SCMH1: variants seen among roughly 807,000 people sequenced by gnomAD.
SCMH1 encodes Scm polycomb group protein homolog 1, also known as polycomb protein SCMH1.
SCMH1 carries 37 observed loss-of-function variants against 70.8 expected under a neutral mutation model. That is an observed-to-expected ratio of 0.52 (90% CI 0.40 to 0.69). The LOEUF (loss-of-function observed/expected upper bound fraction) is 0.69. SCMH1 is among the 30% of genes least tolerant of loss of function. SCMH1 has a pLI of 0.00. For synonymous variants in SCMH1, 292 were observed against 307.4 expected (o/e 0.95, Z 0.52); for missense variants, 607 against 827.3 (o/e 0.73, Z 3.27).
intron 12 of SCMH1, chr1:41,043,357 G>A (rs1646465328): frequency 6.6e-6 from 1 of 151,990 alleles, no homozygotes; most frequent in Non-Finnish European, 1.5e-5. Flanking sequence ...GCATCACACA[G>A]TGCCGGGATT....
At chr1:41,087,427 G>GT (rs1662045993) in intron 8 of SCMH1, among the ~76,000 whole-genome samples, 1 of 151,558 alleles carries the variant, frequency 6.6e-6, no homozygotes, top group African/African-American at 2.4e-5. Context: ...ATAAAAGGGT[G>GT]TATCTAACAT....
intron 13 of SCMH1, among the ~76,000 whole-genome samples, chr1:41,030,169 C>T (rs892576265): frequency 6.6e-6 from 1 of 152,082 alleles, no homozygotes; most frequent in Non-Finnish European, 1.5e-5. Flanking sequence ...GAGCTGTGAG[C>T]GCCATTGCAG....
At chr1:41,028,592 G>A (rs139648979) in exon 14 of SCMH1, 13 of 1,614,028 alleles carry the variant, frequency 8.1e-6, no homozygotes, top group South Asian at 1.1e-5. Flanking sequence ...ACGTGTTTGC[G>A]AAACAGGTCA....
chr1:41,211,716 CAT>C (rs1410407703), intron 1 of SCMH1, among the ~76,000 whole-genome samples: 12 of 152,290 alleles, frequency 7.9e-5, no homozygotes, highest in Admixed American at 2.0e-4. Flanking sequence ...CACATGCACA[CAT>C]ATGTTTACTG....
chr1:41,058,878 T>G (rs1403639982), intron 10 of SCMH1, among the ~76,000 whole-genome samples: 1 of 152,208 alleles, frequency 6.6e-6, no homozygotes, highest in Non-Finnish European at 1.5e-5. Flanking sequence ...GTCCCCTTTG[T>G]CTTTGTTCTG....
chr1:41,161,175 A>T (rs1645993184), intron 3 of SCMH1, among the ~76,000 whole-genome samples, 189 bp downstream of exon 3: 1 of 152,230 alleles, frequency 6.6e-6, no homozygotes, highest in Non-Finnish European at 1.5e-5. Context: ...TATACTCAGA[A>T]TCTAGGTTTC....
intron 2 of SCMH1, among the ~76,000 whole-genome samples, chr1:41,174,238 A>C (rs1646968641): frequency 1.3e-5 from 2 of 151,534 alleles, no homozygotes; most frequent in African/African-American, 2.4e-5. Context: ...AAATAATAAC[A>C]GACAAAACCA....
intron 1 of SCMH1, among the ~76,000 whole-genome samples, chr1:41,234,536 C>T (rs1015196320): frequency 7.1e-6 from 1 of 140,078 alleles, no homozygotes; most frequent in African/African-American, 2.7e-5. Flanking sequence ...GGCACAATCT[C>T]GGCTCACTGC....
At position 41,228,700 on chromosome 1, in the gene SCMH1, T is replaced by C. The variant is rs930676525; in HGVS notation, c.-118+13359A>G. Among the ~76,000 whole-genome samples the C allele has an allele frequency of 6.6e-5, 10 of 151,208 alleles. No individual in the cohort carries two copies. The South Asian group carries it at 2.1e-3, about 32-fold the overall frequency. ...CTTAGGAGGCTGCAGTGAGCCGTGATCACATCACTGCACTCAACCTGGGTG... is the reference window on the plus strand; with the variant it reads ...CTTAGGAGGCTGCAGTGAGCCGTGACCACATCACTGCACTCAACCTGGGTG... On this transcript the variant is annotated intron_variant, in intron 1 of 14. Coordinates refer to ENST00000337495, the Ensembl canonical transcript of SCMH1.
rs567793494 is a variant in SCMH1 at position 41,137,277 on chromosome 1, C to T, written c.412+5601G>A. 3.3e-5 allele frequency among the ~76,000 whole-genome samples: 5 copies of T among 152,162 alleles called. No homozygotes were observed. In the South Asian group the frequency reaches 8.3e-4, roughly 25 times the overall value. ...GCTATACATTTTCTTCTAAGTACTG[C>T]TTTAATTATATCTCAAAATTCTGAT... is the stretch of plus-strand genomic sequence containing the variant. On this transcript the variant is annotated intron_variant, in intron 6 of 14. Coordinates refer to ENST00000337495, the Ensembl canonical transcript of SCMH1.
intron 10 of SCMH1, among the ~76,000 whole-genome samples, chr1:41,059,076 G>A (rs1215527925): frequency 6.6e-6 from 1 of 152,186 alleles, no homozygotes; most frequent in African/African-American, 2.4e-5. Context: ...TTGGGGATCT[G>A]GCTAATGCGT....
At position 41,103,132 on chromosome 1, in the gene SCMH1, A is replaced by AT. The variant is rs59012666; in HGVS notation, c.745+10150dup. Among the ~76,000 whole-genome samples the AT allele has an allele frequency of 4.6e-3, 664 of 145,184 alleles. 2 individuals carry two copies. The highest frequency in any genetic ancestry group is 0.013 in the African/African-American group (510 of 39,888). On this transcript the variant is annotated intron_variant, in intron 8 of 14. Coordinates refer to ENST00000337495, the Ensembl canonical transcript of SCMH1. ...TAATCTAGGGAATCAAGGGAAGAAA[A>AT]TTTTTTTTTTTTTCTTTAAGACAGA...
At chr1:41,085,838 CTTT>C (rs59678945) in intron 8 of SCMH1, among the ~76,000 whole-genome samples, 9 of 85,596 alleles carry the variant, frequency 1.1e-4, no homozygotes, top group Non-Finnish European at 1.5e-4. Context: ...ATTTCACCTG[CTTT>C]TTTTTTTTTT....
intron 6 of SCMH1, among the ~76,000 whole-genome samples, chr1:41,127,193 A>T (rs1404010297): frequency 6.6e-6 from 1 of 152,124 alleles, no homozygotes; most frequent in African/African-American, 2.4e-5. Context: ...ATTTTTCTAT[A>T]GGTTTTAGTC....
At chr1:41,067,103 T>G (rs1373825514) in intron 10 of SCMH1, among the ~76,000 whole-genome samples, 1 of 151,904 alleles carries the variant, frequency 6.6e-6, no homozygotes, top group Non-Finnish European at 1.5e-5. Context: ...AGTGGATAAA[T>G]AAACTGTGAA....
intron 9 of SCMH1, 75 bp from the exon 10 acceptor site, chr1:41,070,796 C>T (rs998726141): frequency 2.3e-5 from 36 of 1,538,046 alleles, no homozygotes; most frequent in Non-Finnish European, 2.8e-5. Flanking sequence ...ACTTAATTCA[C>T]TCATGAAGCA....
At chr1:41,100,901 C>T (rs898656815) in intron 8 of SCMH1, among the ~76,000 whole-genome samples, 4 of 152,094 alleles carry the variant, frequency 2.6e-5, no homozygotes, top group Non-Finnish European at 5.9e-5. Context: ...GAATGCCTCT[C>T]CATTTCACAC....
At chr1:41,222,671 T>A (rs979897124) in intron 1 of SCMH1, among the ~76,000 whole-genome samples, 1 of 152,128 alleles carries the variant, frequency 6.6e-6, no homozygotes, top group Non-Finnish European at 1.5e-5. Flanking sequence ...CACTTGGGTA[T>A]TACGGTCCAC....
rs146061475 is a variant in SCMH1, at chr1:41,214,090, A to T, written c.-117-27840T>A. Among the ~76,000 whole-genome samples, 196 of 152,132 alleles carry T rather than the reference A, an allele frequency of 1.3e-3. 1 individual carries two copies. Among genetic ancestry groups the T allele is most frequent in the African/African-American group, 4.5e-3 (189 of 41,552 alleles). ...ATGGTACTATCTCAATTACACACAC[A>T]TGTGCACATGCATGCACACATACAT... On this transcript the variant is annotated intron_variant, in intron 1 of 14. Coordinates refer to ENST00000337495, the Ensembl canonical transcript of SCMH1.
Sources: gnomAD v4.1 joint callset for allele counts (sites outside exome capture counted in the v4.1 genomes callset) on GRCh38, gnomAD v4.1.1 for gene constraint, MANE v1.5 for transcripts, NCBI Gene and HGNC (gene_info 2026-07-23, HGNC 2026-07-21) for gene names.